Variants in MSRA observed in about 807,000 individuals in gnomAD.
MSRA encodes the protein methionine sulfoxide reductase A.
MSRA carries 54 observed loss-of-function variants against 31.3 expected under a neutral mutation model. The observed-to-expected ratio is 1.73, with a 90% CI of 1.39 to 2.17. MSRA has a LOEUF of 2.17. MSRA is among the 30% of genes most tolerant of loss of function. MSRA has a pLI of 0.00. For synonymous variants in MSRA, 169 were observed against 116.5 expected (o/e 1.45, Z -2.90); for missense variants, 507 against 300.9 (o/e 1.69, Z -5.07).
intron 1 of MSRA, among the ~76,000 whole-genome samples, chr8:10,135,328 G>C (rs1243887799): frequency 6.6e-6 from 1 of 152,186 alleles, no homozygotes; most frequent in Non-Finnish European, 1.5e-5. Context: ...AAATCTCTAA[G>C]GTGACAAAAG....
chr8:10,085,949 G>A (rs139025369), intron 1 of MSRA, among the ~76,000 whole-genome samples: 2 of 152,282 alleles, frequency 1.3e-5, no homozygotes, highest in East Asian at 3.9e-4. Context: ...CTTAGTGGCA[G>A]CAGATAGACC....
At chr8:10,151,468 C>A (rs1051071286) in intron 1 of MSRA, among the ~76,000 whole-genome samples, 1 of 151,622 alleles carries the variant, frequency 6.6e-6, no homozygotes, top group African/African-American at 2.4e-5. Flanking sequence ...ATGGTGAAAC[C>A]CCGTCTCTAC....
chr8:10,213,085 T>C (rs775602169), intron 2 of MSRA, among the ~76,000 whole-genome samples: 1 of 152,206 alleles, frequency 6.6e-6, no homozygotes, highest in Non-Finnish European at 1.5e-5. Flanking sequence ...ATTAAATTAC[T>C]ACTAACTATA....
intron 2 of MSRA, among the ~76,000 whole-genome samples, chr8:10,219,167 C>G (rs571733874): frequency 5.2e-4 from 79 of 152,326 alleles, no homozygotes; most frequent in Non-Finnish European, 9.8e-4. Context: ...CAAGAAATTA[C>G]AAAGCCTGCT....
chr8:10,349,737 A>T (rs1804008769), intron 5 of MSRA, among the ~76,000 whole-genome samples: 1 of 152,190 alleles, frequency 6.6e-6, no homozygotes, highest in Admixed American at 6.5e-5. Context: ...TCACTAACAC[A>T]AGCTGAGGCT....
At chr8:10,058,468 C>A (rs1398047340) in intron 1 of MSRA, among the ~76,000 whole-genome samples, 2 of 152,212 alleles carry the variant, frequency 1.3e-5, no homozygotes, top group East Asian at 1.9e-4. Flanking sequence ...TCCAGATTGA[C>A]CCCAGAAGAG....
intron 1 of MSRA, among the ~76,000 whole-genome samples, chr8:10,076,073 C>G (rs1392043383): frequency 9.2e-6 from 1 of 108,928 alleles, no homozygotes; most frequent in East Asian, 2.6e-4. Flanking sequence ...CGAGTCAGAG[C>G]TGTGCGTCAT....
chr8:10,402,940 C>T (rs1341260753), intron 5 of MSRA, among the ~76,000 whole-genome samples: 3 of 152,160 alleles, frequency 2.0e-5, no homozygotes, highest in Non-Finnish European at 2.9e-5. Context: ...TACACCATGC[C>T]TACCATTGAA....
In MSRA at chr8:10,222,374, G is replaced by A. The variant is rs1469737709; in HGVS notation, c.211+14473G>A. ...GCTATTATCAAAAATTCAAAAGATG[G>A]CAAGTGTTGGTGAGGACTCTCACTG... On this transcript the variant is annotated intron_variant, in intron 2 of 5. Coordinates refer to ENST00000317173, the MANE Select transcript of MSRA (RefSeq NM_012331.5). Among the ~76,000 whole-genome samples the A allele has an allele frequency of 2.6e-5, 4 of 152,244 alleles. No individual in the cohort carries two copies. In the East Asian group the frequency reaches 7.7e-4, roughly 29 times the overall value.
intron 1 of MSRA, among the ~76,000 whole-genome samples, chr8:10,089,470 A>G (rs971309454): frequency 6.6e-6 from 1 of 152,202 alleles, no homozygotes; most frequent in East Asian, 1.9e-4. Context: ...TTGCCATTGC[A>G]CATTCCCATG....
intron 5 of MSRA, among the ~76,000 whole-genome samples, chr8:10,378,632 C>G (rs142838467): frequency 6.6e-6 from 1 of 152,318 alleles, no homozygotes; most frequent in East Asian, 1.9e-4. Flanking sequence ...CTCAGCAGCT[C>G]CGCGTCCCTT....
chr8:10,084,921 A>C (rs1164543297), intron 1 of MSRA, among the ~76,000 whole-genome samples: 1 of 152,164 alleles, frequency 6.6e-6, no homozygotes, highest in Non-Finnish European at 1.5e-5. Flanking sequence ...TTTTTTAAAA[A>C]ATTTATTTTT....
chr8:10,408,212 C>T (rs1807939282), intron 5 of MSRA, among the ~76,000 whole-genome samples: 1 of 152,132 alleles, frequency 6.6e-6, no homozygotes. Context: ...ATTAGCACCA[C>T]TCTGACTTTA....
At chr8:10,404,575 T>C (rs1245696100) in intron 5 of MSRA, among the ~76,000 whole-genome samples, 2 of 152,240 alleles carry the variant, frequency 1.3e-5, no homozygotes, top group Non-Finnish European at 1.5e-5. Context: ...CGTCAGCAGC[T>C]GCTTCTGACA....
intron 3 of MSRA, among the ~76,000 whole-genome samples, chr8:10,291,072 C>G (rs965798238): frequency 5.3e-5 from 8 of 152,184 alleles, no homozygotes; most frequent in African/African-American, 1.9e-4. Context: ...CACTGCTATC[C>G]TAGTTACCTA....
chr8:10,241,777 A>T (rs912300952), intron 2 of MSRA, among the ~76,000 whole-genome samples: 1 of 152,212 alleles, frequency 6.6e-6, no homozygotes, highest in Non-Finnish European at 1.5e-5. Flanking sequence ...CAGAGGATCA[A>T]GTCTGAGTCT....
Position 10,428,842 on chromosome 8 carries a change from G to A in MSRA, c.*530G>A, listed in dbSNP as rs1300351367. The A allele has an allele frequency of 6.5e-6, 1 of 153,940 alleles. No individual in the cohort carries two copies. The highest frequency in any genetic ancestry group is 1.4e-5 in the Non-Finnish European group (1 of 69,388). The allele number at this position is 153,940 out of a possible 1,614,324, so 9.5% of individuals were successfully genotyped here. On this transcript the variant is annotated 3_prime_UTR_variant, in exon 6 of 6. Coordinates refer to ENST00000317173, the MANE Select transcript of MSRA (RefSeq NM_012331.5). ...GATGAATTCTAATGCTTTGCTTAGA[G>A]CTATGAGAAATGTTTGTTTTAATAA... is the stretch of plus-strand genomic sequence containing the variant.
At chr8:10,132,288 C>G (rs139275637) in intron 1 of MSRA, among the ~76,000 whole-genome samples, 21 of 152,330 alleles carry the variant, frequency 1.4e-4, no homozygotes, top group African/African-American at 4.6e-4. Context: ...GATTCTTGCT[C>G]CACTGCAGCT....
chr8:10,236,127 A>T (rs940088467), intron 2 of MSRA, among the ~76,000 whole-genome samples: 12 of 152,180 alleles, frequency 7.9e-5, no homozygotes, highest in Non-Finnish European at 1.5e-5. Context: ...AACTTTCTCA[A>T]CCTGATAAAG....
Sources: gnomAD v4.1 joint callset for allele counts (sites outside exome capture counted in the v4.1 genomes callset) on GRCh38, gnomAD v4.1.1 for gene constraint, MANE v1.5 for transcripts, NCBI Gene and HGNC (gene_info 2026-07-23, HGNC 2026-07-21) for gene names.